DACT2: variants seen among roughly 807,000 people sequenced by gnomAD.
DACT2 encodes dapper homolog 2.
DACT2 carries 20 observed loss-of-function variants against 22.2 expected under a neutral mutation model. That is an observed-to-expected ratio of 0.90 (90% CI 0.63 to 1.31). DACT2 has a LOEUF of 1.31. Ranked by LOEUF, DACT2 falls within the 50% of genes most tolerant of loss-of-function variation. DACT2 has a pLI of 0.00. For synonymous variants in DACT2, 463 were observed against 479.8 expected (o/e 0.96, Z 0.46); for missense variants, 1,048 against 1,061.4 (o/e 0.99, Z 0.18).
chr6:168,296,873 T>C (rs752054634), intron 3 of DACT2, among the ~76,000 whole-genome samples: 1 of 152,116 alleles, frequency 6.6e-6, no homozygotes, highest in Non-Finnish European at 1.5e-5. Flanking sequence ...AAGCCTCAGC[T>C]GGGGAAGTGA....
At chr6:168,292,980 C>G (rs1342631455) in exon 6 of DACT2, 1 of 151,954 alleles carries the variant, frequency 6.6e-6, no homozygotes, top group East Asian at 1.9e-4. Context: ...ACATAAGATA[C>G]AATCCTAAAA....
Position 168,308,447 on chromosome 6 carries a change from A to G in DACT2, c.1310T>C (p.Met437Thr), listed in dbSNP as rs1779289904. ...PSNSCVLRET[M>T]VQASPSSKAQ... ...CTTTGAGCTGGGAGAAGCCTGCACCATGGTCTCCCTGAGGACACAGCTGTT... is the reference window on the plus strand; with the variant it reads ...CTTTGAGCTGGGAGAAGCCTGCACCGTGGTCTCCCTGAGGACACAGCTGTT... The change falls in exon 4 of 4, where the codon ATG (methionine) becomes ACG (threonine). Residue 437 changes from methionine to threonine, a missense_variant. By Grantham distance (81) the Met-to-Thr change is moderately conservative. Transcript: ENST00000366795. 1 of 1,551,464 alleles carries G rather than the reference A, an allele frequency of 6.4e-7. No individual in the cohort carries two copies.
At position 168,311,383 on chromosome 6, in the gene DACT2, C is replaced by T. The variant is rs1334850053; in HGVS notation, c.247-99G>A. The T allele has an allele frequency of 2.9e-6, 4 of 1,375,842 alleles. No homozygotes were observed. In the Admixed American group the frequency reaches 1.0e-4, roughly 35 times the overall value. 85.2% of individuals were successfully genotyped at this position (1,375,842 alleles called of 1,614,324 possible). A position where few individuals can be genotyped will look rare whatever the true frequency, so the allele number is the denominator to read the frequency against. On this transcript the variant is annotated intron_variant, in intron 1 of 3. Transcript: ENST00000366795. ...ACATGCATTGTGAATGCAATTTAAA[C>T]TCCCAAAGTCCACGCGAAATACATC...
rs948202256 is a variant in DACT2 at position 168,307,753 on chromosome 6, G to A, written c.2004C>T (p.Ala668=). The A allele has an allele frequency of 1.9e-5, 29 of 1,547,748 alleles. No individual in the cohort carries two copies. Among genetic ancestry groups the A allele is most frequent in the Middle Eastern group, 1.7e-4 (1 of 6,014 alleles). ...CTGACGGGAACCGCGGGTCACACTC[G>A]GCCGAGTGCTTGGAGGGCTCTGAGT... ...RSDSEPSKHS[A]ECDPRFPSVI... is the part of the protein sequence containing the mutation. Residue 668 remains alanine (A), a synonymous_variant, in exon 4 of 4, where the codon GCC becomes GCT. Transcript: ENST00000366795. This position sits in a 1 kb window ranked among gnomAD's most constrained non-coding sequence, Gnocchi z 5.3.
At chr6:168,304,315 A>G (rs75798043), downstream of DACT2, among the ~76,000 whole-genome samples, 1,847 of 152,310 alleles carry the variant, frequency 0.012, 23 homozygotes, top group African/African-American at 0.043. Context: ...ACCACAGGGC[A>G]TCTCCATCCA....
chr6:168,301,099 T>C (rs1348909069), intron 3 of DACT2, among the ~76,000 whole-genome samples: 2 of 152,242 alleles, frequency 1.3e-5, no homozygotes, highest in East Asian at 1.9e-4. Context: ...TCCGGTTTTC[T>C]TGGAGCCCGT....
intron 4 of DACT2, among the ~76,000 whole-genome samples, chr6:168,294,393 G>A (rs1354210841): frequency 6.6e-6 from 1 of 151,824 alleles, no homozygotes; most frequent in East Asian, 1.9e-4. Context: ...CGTGGGCGGA[G>A]CGTGCACGTG....
chr6:168,300,940 C>T (rs960468145), intron 3 of DACT2, among the ~76,000 whole-genome samples: 5 of 152,116 alleles, frequency 3.3e-5, no homozygotes. Flanking sequence ...GAGCTGAGTT[C>T]GTGCCACTGC....
rs1417300211 is a variant in DACT2 at position 168,309,097 on chromosome 6, A to G, written c.660T>C (p.Gly220=). Residue 220 remains glycine (G), a splice_region_variant and synonymous_variant, in exon 4 of 4, where the codon GGT becomes GGC. Transcript: ENST00000366795. ...GTFWPRPVST[G]DLDRALPADT... ...CCGCCGGCAGGGCTCTGTCAAGATC[A>G]CCTGGGAGCGAGAAAAATGAACAAA... The G allele has an allele frequency of 6.6e-7, 1 of 1,510,642 alleles. No homozygotes were observed. 93.6% of individuals were successfully genotyped at this position (1,510,642 alleles called of 1,614,324 possible).
downstream of DACT2, among the ~76,000 whole-genome samples, chr6:168,304,329 T>A (rs1445923009): frequency 6.6e-6 from 1 of 152,232 alleles, no homozygotes; most frequent in African/African-American, 2.4e-5. Context: ...CCATCCATCC[T>A]CTTTCTGCGC....
In DACT2 at chr6:168,295,075, C is replaced by T. The variant is rs1052130843; in HGVS notation, c.659-371G>A. On this transcript the variant is annotated intron_variant, in intron 3 of 5. Transcript: ENST00000366796. The stretch of plus-strand genomic sequence containing the variant: ...CTGGGGCCCTGGCAGCAGTCCTGCC[C>T]CTTCCTCCTCCTCTGCTGTTTGGAG... Among the ~76,000 whole-genome samples the T allele has an allele frequency of 5.9e-5, 9 of 152,214 alleles. No homozygotes were observed. In the South Asian group the frequency reaches 1.7e-3, roughly 28 times the overall value.
At chr6:168,303,264 G>A (rs186137055), downstream of DACT2, among the ~76,000 whole-genome samples, 3 of 152,138 alleles carry the variant, frequency 2.0e-5, no homozygotes, top group Admixed American at 6.5e-5. Flanking sequence ...TATGGTTTGC[G>A]TGTGGTTTGT....
At chr6:168,293,648 C>A (rs1014076621) in exon 6 of DACT2, 7 of 516,776 alleles carry the variant, frequency 1.4e-5, no homozygotes, top group African/African-American at 1.2e-4. Flanking sequence ...AGGGAGAAAC[C>A]ATTCTCTCTT....
chr6:168,294,468 G>A lies in DACT2; in HGVS notation c.730+165C>T, dbSNP rs112631508. 8.8e-3 allele frequency among the ~76,000 whole-genome samples: 1,273 copies of A among 144,746 alleles called. 14 individuals carry two copies. The highest frequency in any genetic ancestry group is 0.031 in the African/African-American group (1,184 of 38,742). 95.0% of individuals were successfully genotyped at this position (144,746 alleles called of 152,430 possible). A position where few individuals can be genotyped will look rare whatever the true frequency, so the allele number is the denominator to read the frequency against. ...CCTTCCCCTGATGCTATCCCTCCCCGCTCCCCCCACCCCACAACAGGCCCC... is the reference window on the plus strand; with the variant it reads ...CCTTCCCCTGATGCTATCCCTCCCCACTCCCCCCACCCCACAACAGGCCCC... On this transcript the variant is annotated intron_variant, in intron 4 of 5. Coordinates refer to the DACT2 transcript ENST00000366796.
At chr6:168,302,859 T>C (rs1332571482), downstream of DACT2, among the ~76,000 whole-genome samples, 1 of 152,152 alleles carries the variant, frequency 6.6e-6, no homozygotes, top group Non-Finnish European at 1.5e-5. Flanking sequence ...GCGGGGCCCA[T>C]GTGACGTGAT....
At chr6:168,312,598 G>A (rs531770343) in intron 1 of DACT2, among the ~76,000 whole-genome samples, 207 of 152,338 alleles carry the variant, frequency 1.4e-3, no homozygotes, top group African/African-American at 4.8e-3. Context: ...GCATGTGTGT[G>A]TGTGTACATG....
chr6:168,306,205 C>T (rs1779201967), downstream of DACT2, among the ~76,000 whole-genome samples: 1 of 152,206 alleles, frequency 6.6e-6, no homozygotes, highest in Non-Finnish European at 1.5e-5. Flanking sequence ...TGCATCAGCC[C>T]TGAGGGGCCC....
In DACT2 at chr6:168,307,855, G is replaced by A. The variant is rs1190397109; in HGVS notation, c.1902C>T (p.Pro634=). 2.7e-5 allele frequency: 42 copies of A among 1,537,990 alleles called. No individual in the cohort carries two copies. Among genetic ancestry groups the A allele is most frequent in the Admixed American group, 7.9e-5 (4 of 50,798 alleles). ...CPESNLGPPR[P]VARRAGGPLA... is the part of the protein sequence containing the mutation. ...GTGGGCCACCTGCTCTCCTGGCCACGGGCCTGGGGGGCCCCAGGTTAGACT... is the reference window on the plus strand; with the variant it reads ...GTGGGCCACCTGCTCTCCTGGCCACAGGCCTGGGGGGCCCCAGGTTAGACT... Residue 634 remains proline (P), a synonymous_variant, in exon 4 of 4, where the codon CCC becomes CCT. Transcript: ENST00000366795. The surrounding 1 kb of genome is among the most constrained non-coding windows in gnomAD (Gnocchi z 5.3).
At chr6:168,309,898 T>C (rs1294254960) in intron 3 of DACT2, among the ~76,000 whole-genome samples, 1 of 152,142 alleles carries the variant, frequency 6.6e-6, no homozygotes, top group Non-Finnish European at 1.5e-5. Context: ...CCAGGGTTTT[T>C]GAAGGATTTT....
Sources: allele counts gnomAD v4.1 joint callset (sites outside exome capture counted in the v4.1 genomes callset), GRCh38; gene constraint gnomAD v4.1.1; non-coding constraint Gnocchi (gnomAD v3.1); transcripts MANE v1.5; gene names NCBI Gene and HGNC (gene_info 2026-07-23, HGNC 2026-07-21).